The following TAFA2 variants were observed in gnomAD, a reference collection of about 807,000 sequenced individuals.
The protein encoded by TAFA2 is TAFA chemokine like family member 2.
TAFA2 carries 7 observed loss-of-function variants against 18.8 expected under a neutral mutation model. That is an observed-to-expected ratio of 0.37 (90% confidence interval 0.21 to 0.70). The LOEUF is 0.70. Among genes scored for constraint, TAFA2 ranks in the 30% least tolerant of loss-of-function variants. TAFA2 has a pLI of 0.53. For missense variants in TAFA2, 122 were observed against 158.1 expected, an observed-to-expected ratio of 0.77 and a Z score of 1.23; for synonymous variants, 60 against 54.2, an observed-to-expected ratio of 1.11 and a Z score of -0.47.
chr12:62,232,480 G>A (rs2062815797), intron 1 of TAFA2, among the ~76,000 whole-genome samples: 1 of 152,126 alleles, frequency 6.6e-6, no homozygotes, highest in African/African-American at 2.4e-5. Context: ...GGAAATGGCA[G>A]AGGCAGGATT....
At chr12:61,996,717 A>AT (rs1880201817) in intron 1 of TAFA2, among the ~76,000 whole-genome samples, 1 of 152,114 alleles carries the variant, frequency 6.6e-6, no homozygotes, top group Non-Finnish European at 1.5e-5. Flanking sequence ...CCACTTATGT[A>AT]CCCTGGCATC....
intron 1 of TAFA2, among the ~76,000 whole-genome samples, chr12:62,256,666 C>A (rs1484721641): frequency 6.6e-6 from 1 of 152,202 alleles, no homozygotes; most frequent in Admixed American, 6.5e-5. Flanking sequence ...GCAGTGTTTT[C>A]ATCTTACTAT....
At chr12:62,088,905 T>G (rs1868583474) in intron 1 of TAFA2, among the ~76,000 whole-genome samples, 1 of 133,312 alleles carries the variant, frequency 7.5e-6, no homozygotes, top group Admixed American at 7.4e-5. Context: ...TCTCTCTCTC[T>G]ATCTCTGTGT....
At chr12:62,153,710 C>T (rs1392230433) in intron 1 of TAFA2, among the ~76,000 whole-genome samples, 1 of 151,036 alleles carries the variant, frequency 6.6e-6, no homozygotes, top group Non-Finnish European at 1.5e-5. Context: ...ATAAATAAAG[C>T]AATGTCGTAT....
chr12:61,725,574 G>C (rs556320029), intron 4 of TAFA2, among the ~76,000 whole-genome samples: 1 of 151,962 alleles, frequency 6.6e-6, no homozygotes, highest in African/African-American at 2.4e-5. Context: ...TGTTTGCTTT[G>C]TCAAAGATCA....
At chr12:61,739,338 A>G (rs562638166) in intron 4 of TAFA2, among the ~76,000 whole-genome samples, 2 of 152,122 alleles carry the variant, frequency 1.3e-5, no homozygotes, top group African/African-American at 4.8e-5. Context: ...AGAATCAAAA[A>G]TTACCTGATA....
intron 1 of TAFA2, among the ~76,000 whole-genome samples, chr12:61,877,889 A>G (rs1363046934): frequency 6.7e-6 from 1 of 148,430 alleles, no homozygotes; most frequent in Non-Finnish European, 1.5e-5. Context: ...GAATGGATAA[A>G]CAAATTGTGA....
intron 2 of TAFA2, among the ~76,000 whole-genome samples, chr12:61,815,952 T>C (rs1270827240): frequency 4.0e-5 from 6 of 151,230 alleles, no homozygotes; most frequent in Non-Finnish European, 8.8e-5. Flanking sequence ...TAAATTATAA[T>C]ATAGGAAGGG....
At chr12:62,011,071 G>A (rs545071660) in intron 1 of TAFA2, among the ~76,000 whole-genome samples, 52 of 145,472 alleles carry the variant, frequency 3.6e-4, no homozygotes, top group African/African-American at 1.0e-3. Context: ...CAGCCGCCCC[G>A]TCTGGGAGGT....
intron 1 of TAFA2, among the ~76,000 whole-genome samples, chr12:61,988,153 C>T (rs187982825): frequency 4.6e-5 from 7 of 152,110 alleles, no homozygotes; most frequent in Non-Finnish European, 8.8e-5. Context: ...CCCTACTTCA[C>T]GGGTGTCAAT....
chr12:61,720,294 A>C (rs1179442976), intron 4 of TAFA2, among the ~76,000 whole-genome samples: 1 of 152,222 alleles, frequency 6.6e-6, no homozygotes, highest in Non-Finnish European at 1.5e-5. Context: ...CTGATGGCTC[A>C]GTACTTTTCA....
At chr12:61,789,115 T>C (rs903859916) in intron 2 of TAFA2, among the ~76,000 whole-genome samples, 5 of 151,922 alleles carry the variant, frequency 3.3e-5, no homozygotes, top group African/African-American at 1.2e-4. Context: ...TGATGATAGT[T>C]TCTTTTCCTA....
At chr12:61,969,170 C>T (rs1313047781) in intron 1 of TAFA2, among the ~76,000 whole-genome samples, 2 of 151,606 alleles carry the variant, frequency 1.3e-5, no homozygotes, top group Non-Finnish European at 3.0e-5. Flanking sequence ...ATAATGCCAC[C>T]ATAAGTAATC....
intron 1 of TAFA2, among the ~76,000 whole-genome samples, chr12:62,121,583 G>A (rs953124917): frequency 2.6e-5 from 4 of 152,290 alleles, no homozygotes; most frequent in Admixed American, 2.6e-4. Flanking sequence ...CACCAGGAAA[G>A]ATATTAAATT....
chr12:61,794,699 G>T (rs1871119540), intron 2 of TAFA2, among the ~76,000 whole-genome samples: 1 of 151,642 alleles, frequency 6.6e-6, no homozygotes, highest in African/African-American at 2.4e-5. Context: ...AAATGCAAAG[G>T]ACATAAAATG....
At chr12:61,900,304 T>G (rs1876042334) in intron 1 of TAFA2, among the ~76,000 whole-genome samples, 1 of 152,208 alleles carries the variant, frequency 6.6e-6, no homozygotes. Context: ...GTGATTATCC[T>G]AATTTACATC....
chr12:61,892,664 C>G (rs1008576241), intron 1 of TAFA2, among the ~76,000 whole-genome samples: 2 of 152,060 alleles, frequency 1.3e-5, no homozygotes, highest in Non-Finnish European at 2.9e-5. Flanking sequence ...TGGAAAAACT[C>G]CGTCTCTACT....
At chr12:61,742,588 T>C (rs1868506935) in intron 4 of TAFA2, among the ~76,000 whole-genome samples, 1 of 152,144 alleles carries the variant, frequency 6.6e-6, no homozygotes, top group Non-Finnish European at 1.5e-5. Flanking sequence ...GACGCTCTTC[T>C]TTTTCTATGC....
intron 1 of TAFA2, among the ~76,000 whole-genome samples, chr12:62,012,349 G>T (rs1253409913): frequency 6.6e-6 from 1 of 150,612 alleles, no homozygotes; most frequent in Non-Finnish European, 1.5e-5. Context: ...TTTTCCTTTA[G>T]GTGATGTGCC....
Sources: allele counts gnomAD v4.1 joint callset (sites outside exome capture counted in the v4.1 genomes callset), GRCh38; gene constraint gnomAD v4.1.1; transcripts MANE v1.5; gene names NCBI Gene and HGNC (gene_info 2026-07-23, HGNC 2026-07-21).